AP1G1: variants seen among roughly 807,000 people sequenced by gnomAD.
AP1G1 encodes the protein AP-1 complex subunit gamma-1.
AP1G1 carries 7 observed loss-of-function variants against 108.3 expected under a neutral mutation model. The observed-to-expected ratio is 0.06, with a 90% CI of 0.04 to 0.12. The LOEUF is 0.12. Among genes scored for constraint, AP1G1 ranks in the 10% least tolerant of loss-of-function variants. The probability of loss-of-function intolerance (pLI) is 1.00; values close to 1 mark genes in which losing one functional copy is unlikely to be tolerated. For missense variants in AP1G1, 756 were observed against 1,010.7 expected (o/e 0.75, Z 3.42); for synonymous variants, 379 against 353.5 (o/e 1.07, Z -0.81).
chr16:71,797,119 C>T (rs2032615076), intron 1 of AP1G1, among the ~76,000 whole-genome samples: 1 of 151,622 alleles, frequency 6.6e-6, no homozygotes, highest in African/African-American at 2.4e-5. Flanking sequence ...TAATCTGACA[C>T]TAATGAAATA....
At chr16:71,794,841 T>C (rs1347494563) in intron 1 of AP1G1, among the ~76,000 whole-genome samples, 5 of 134,000 alleles carry the variant, frequency 3.7e-5, no homozygotes, top group African/African-American at 1.4e-4. Context: ...AGTGCTTTTT[T>C]TTTTTTTTTT....
At position 71,775,426 on chromosome 16, in the gene AP1G1, CATG is replaced by C. The variant is rs1253028635; in HGVS notation, c.202-837_202-835del. 3.3e-5 allele frequency among the ~76,000 whole-genome samples: 5 copies of C among 152,238 alleles called. No homozygotes were observed. In the East Asian group the frequency reaches 9.6e-4, roughly 29 times the overall value. ...AGAACAGATCATTTTATCAAGGCCC[CATG>C]ATATTTGCCATTCAAATAATCTCTC... On this transcript the variant is annotated intron_variant, in intron 2 of 22. Transcript: ENST00000299980.
intron 2 of AP1G1, among the ~76,000 whole-genome samples, chr16:71,779,623 A>G (rs564188564): frequency 3.4e-4 from 52 of 152,268 alleles, no homozygotes; most frequent in African/African-American, 9.4e-4. Context: ...TACAGGTGTG[A>G]GCAATCACAC....
chr16:71,808,279 G>A, intron 1 of AP1G1: 3 of 899,664 alleles, frequency 3.3e-6, no homozygotes, highest in Non-Finnish European at 2.9e-6. Context: ...GCCGATGTCC[G>A]GTTCCGAGAG....
chr16:71,758,571 T>C, intron 11 of AP1G1: 1 of 609,244 alleles, frequency 1.6e-6, no homozygotes, highest in Non-Finnish European at 3.1e-6. Flanking sequence ...ACAACTTCAG[T>C]GTGCACTTAA....
intron 19 of AP1G1, among the ~76,000 whole-genome samples, chr16:71,740,868 A>C (rs2045610674): frequency 6.6e-6 from 1 of 152,244 alleles, no homozygotes; most frequent in African/African-American, 2.4e-5. Flanking sequence ...TTTATTTTAC[A>C]AACTAGGTAG....
chr16:71,796,466 G>A (rs2032587946), intron 1 of AP1G1, among the ~76,000 whole-genome samples: 1 of 152,042 alleles, frequency 6.6e-6, no homozygotes, highest in South Asian at 2.1e-4. Flanking sequence ...TCCATACAAG[G>A]AATAGTGTCC....
In AP1G1 at chr16:71,808,799, G is replaced by A. The variant is rs2033090370; in HGVS notation, c.-40C>T. 2 of 1,289,734 alleles carry A rather than the reference G, an allele frequency of 1.6e-6. No individual in the cohort carries two copies. The highest frequency in any genetic ancestry group is 1.2e-5 in the South Asian group (1 of 81,014). The allele number at this position is 1,289,734 out of a possible 1,614,324, so 79.9% of individuals were successfully genotyped here. ...CTCGAATGAAACCAGCAGCTCCGGG[G>A]GCGGCGGCAGCAGTGGCAGCAGGAA... On this transcript the variant is annotated 5_prime_UTR_variant, in exon 1 of 23. Coordinates refer to ENST00000299980, the MANE Select transcript of AP1G1 (RefSeq NM_001128.6).
chr16:71,756,120 A>G lies in AP1G1; in HGVS notation c.1128T>C (p.Asn376=). Reference sequence around the variant, plus strand: ...ATTCTTTCATCATGCCTCGGATATTATTCCCATTTACCAGGGCAAAACTCA... The same window carrying G: ...ATTCTTTCATCATGCCTCGGATATTGTTCCCATTTACCAGGGCAAAACTCA... ...MELSFALVNG[N]NIRGMMKELL... Residue 376 remains asparagine, a synonymous_variant, in exon 12 of 23, where the codon AAT becomes AAC. Transcript: ENST00000299980. The G allele has an allele frequency of 1.2e-6, 2 of 1,613,828 alleles. No homozygotes were observed. The highest frequency in any genetic ancestry group is 1.7e-6 in the Non-Finnish European group (2 of 1,179,842).
At chr16:71,736,361 A>C (rs1045639279) in intron 21 of AP1G1, among the ~76,000 whole-genome samples, 1 of 148,346 alleles carries the variant, frequency 6.7e-6, no homozygotes, top group East Asian at 2.0e-4. Context: ...AAATTAGTAC[A>C]TAGTAGAACC....
At chr16:71,746,287 G>T (rs2030177019) in intron 17 of AP1G1, among the ~76,000 whole-genome samples, 1 of 152,276 alleles carries the variant, frequency 6.6e-6, no homozygotes, top group South Asian at 2.1e-4. Context: ...TGGGATTACA[G>T]GCGTGAGCCA....
intron 11 of AP1G1, 42 bp from the exon 12 acceptor site, chr16:71,756,201 GTGGAAA>G (rs1567647257): frequency 6.3e-7 from 1 of 1,581,890 alleles, no homozygotes; most frequent in Admixed American, 1.8e-5. Context: ...GAAATTTATA[GTGGAAA>G]TGAAACAAAG....
At chr16:71,741,664 AAAAT>A in intron 19 of AP1G1, among the ~76,000 whole-genome samples, 2 of 152,344 alleles carry the variant, frequency 1.3e-5, no homozygotes, top group Middle Eastern at 6.8e-3. Flanking sequence ...ACGAGAAGCT[AAAAT>A]AAATGCAAAC....
chr16:71,772,477 G>A (rs970069762), intron 4 of AP1G1, among the ~76,000 whole-genome samples: 1 of 152,042 alleles, frequency 6.6e-6, no homozygotes, highest in South Asian at 2.1e-4. Flanking sequence ...ATATGACAAT[G>A]AGCTTTCTGA....
At chr16:71,748,643 A>T (rs1322885757) in intron 15 of AP1G1, among the ~76,000 whole-genome samples, 1 of 152,146 alleles carries the variant, frequency 6.6e-6, no homozygotes. Context: ...CTGAGAGGCA[A>T]TATTAGAGCT....
chr16:71,735,100 A>G (rs181265713), intron 21 of AP1G1, among the ~76,000 whole-genome samples: 3 of 152,284 alleles, frequency 2.0e-5, no homozygotes, highest in Non-Finnish European at 1.5e-5. Context: ...AATGAAAAGA[A>G]AAGCTTCCCA....
chr16:71,803,939 A>C (rs932498436), intron 1 of AP1G1, among the ~76,000 whole-genome samples: 15 of 151,812 alleles, frequency 9.9e-5, no homozygotes, highest in Non-Finnish European at 1.9e-4. Flanking sequence ...AAAAAAAAAA[A>C]AAGACACCTC....
chr16:71,761,443 G>A, intron 10 of AP1G1, 69 bp downstream of exon 10: 1 of 1,105,056 alleles, frequency 9.0e-7, no homozygotes, highest in Non-Finnish European at 1.4e-6. Context: ...GTATGATCTT[G>A]AGCAGAATCG....
At chr16:71,764,982 C>T (rs1248336727) in intron 7 of AP1G1, among the ~76,000 whole-genome samples, 3 of 152,182 alleles carry the variant, frequency 2.0e-5, no homozygotes, top group Non-Finnish European at 4.4e-5. Flanking sequence ...AAGGATACTA[C>T]CAGATACTAC....
Sources: allele counts gnomAD v4.1 joint callset (sites outside exome capture counted in the v4.1 genomes callset), GRCh38; gene constraint gnomAD v4.1.1; transcripts MANE v1.5; gene names NCBI Gene and HGNC (gene_info 2026-07-23, HGNC 2026-07-21).